FSTL4: variants seen among roughly 807,000 people sequenced by gnomAD.
FSTL4 encodes the protein follistatin-related protein 4.
A neutral mutation model predicts 78.2 loss-of-function variants in FSTL4; 28 were observed. The observed-to-expected ratio is 0.36, with a 90% CI of 0.27 to 0.49. The LOEUF is 0.49. FSTL4 is among the 20% of genes least tolerant of loss of function. The pLI is 0.98. For synonymous variants in FSTL4, 422 were observed against 440.5 expected (o/e 0.96, Z 0.53); for missense variants, 922 against 1,084.9 (o/e 0.85, Z 2.11).
intron 3 of FSTL4, among the ~76,000 whole-genome samples, chr5:133,460,744 A>G (rs1023006674): frequency 1.3e-5 from 2 of 152,194 alleles, no homozygotes; most frequent in African/African-American, 4.8e-5. Context: ...ACTTTGGGCC[A>G]AACACCAAAT....
At chr5:133,554,222 C>T (rs1028884689) in intron 3 of FSTL4, among the ~76,000 whole-genome samples, 3 of 152,158 alleles carry the variant, frequency 2.0e-5, no homozygotes, top group Non-Finnish European at 4.4e-5. Flanking sequence ...AGACTGGCTA[C>T]GCAGCTGACC....
chr5:133,335,312 C>T (rs1236276167), intron 4 of FSTL4, among the ~76,000 whole-genome samples: 1 of 152,188 alleles, frequency 6.6e-6, no homozygotes, highest in Admixed American at 6.5e-5. Context: ...GCCTCGTCTG[C>T]CCTGCTCTCC....
At chr5:133,813,395 C>T in the FSTL4 span, among the ~76,000 whole-genome samples, 6 of 151,978 alleles carry the variant, frequency 3.9e-5, no homozygotes, top group Non-Finnish European at 5.9e-5. Context: ...CTTCAAACAC[C>T]CAAGTGTACT....
At chr5:133,442,060 C>A (rs747538226) in intron 3 of FSTL4, among the ~76,000 whole-genome samples, 20 of 152,220 alleles carry the variant, frequency 1.3e-4, no homozygotes, top group Non-Finnish European at 2.4e-4. Flanking sequence ...TCAATAAATT[C>A]TCAGACATGC....
intron 3 of FSTL4, among the ~76,000 whole-genome samples, chr5:133,437,373 A>G (rs1220152961): frequency 6.6e-6 from 1 of 152,060 alleles, no homozygotes; most frequent in African/African-American, 2.4e-5. Flanking sequence ...AGAAGGTAAT[A>G]TGGAATCAGA....
At position 133,519,701 on chromosome 5, in the gene FSTL4, A is replaced by G. The variant is rs546072644; in HGVS notation, c.160+47485T>C. On this transcript the variant is annotated intron_variant, in intron 3 of 15. Coordinates refer to ENST00000265342, the MANE Select transcript of FSTL4 (RefSeq NM_015082.2). The stretch of plus-strand genomic sequence containing the variant: ...CCTTCCCCAGCAAGATGCCTTTTAT[A>G]GAGAATTTTGTTGTTTAGCAAGAAC... Among the ~76,000 whole-genome samples the G allele has an allele frequency of 1.1e-4, 16 of 152,330 alleles. 1 individual carries two copies. Among genetic ancestry groups the G allele is most frequent in the Admixed American group, 3.9e-4 (6 of 15,300 alleles).
At chr5:133,250,029 TA>T (rs952890056) in intron 6 of FSTL4, among the ~76,000 whole-genome samples, 1 of 152,254 alleles carries the variant, frequency 6.6e-6, no homozygotes, top group African/African-American at 2.4e-5. Context: ...GGGTCAGTTT[TA>T]AAGGTTGCGC....
At chr5:133,657,412 G>A in the FSTL4 span, among the ~76,000 whole-genome samples, 1 of 152,166 alleles carries the variant, frequency 6.6e-6, no homozygotes, top group Non-Finnish European at 1.5e-5. Context: ...TATATGAGGT[G>A]GACAGGGACT....
At position 133,198,977 on chromosome 5, in the gene FSTL4, A is replaced by G; in HGVS notation, c.*118T>C. 1 of 610,170 alleles carries G rather than the reference A, an allele frequency of 1.6e-6. No homozygotes were observed. Among genetic ancestry groups the G allele is most frequent in the Non-Finnish European group, 2.8e-6 (1 of 355,274 alleles). 37.8% of individuals were successfully genotyped at this position (610,170 alleles called of 1,614,324 possible). ...AAACTTGCAAGGAGACCAGTGTTGAACCACAAAGCGAGTACAGGTTTTTGC... is the reference window on the plus strand; with the variant it reads ...AAACTTGCAAGGAGACCAGTGTTGAGCCACAAAGCGAGTACAGGTTTTTGC... On this transcript the variant is annotated 3_prime_UTR_variant, in exon 16 of 16. Coordinates refer to ENST00000265342, the MANE Select transcript of FSTL4 (RefSeq NM_015082.2).
intron 4 of FSTL4, among the ~76,000 whole-genome samples, chr5:133,321,653 G>A (rs1448036432): frequency 6.6e-6 from 1 of 152,228 alleles, no homozygotes; most frequent in African/African-American, 2.4e-5. Flanking sequence ...CGAGAGAATG[G>A]TTCGAGAGAA....
chr5:133,285,769 G>T (rs916360014), intron 6 of FSTL4, among the ~76,000 whole-genome samples: 1 of 152,210 alleles, frequency 6.6e-6, no homozygotes, highest in Admixed American at 6.5e-5. Flanking sequence ...CGCTGCCCCA[G>T]CTGCACCCAG....
intron 2 of FSTL4, among the ~76,000 whole-genome samples, chr5:133,598,615 C>T (rs2112974282): frequency 6.6e-6 from 1 of 152,280 alleles, no homozygotes; most frequent in South Asian, 2.1e-4. Context: ...AAAGCCCTGG[C>T]TAAGTGTTAG....
the FSTL4 span, among the ~76,000 whole-genome samples, chr5:133,672,969 G>A: frequency 2.0e-5 from 3 of 152,332 alleles, no homozygotes; most frequent in African/African-American, 7.2e-5. Flanking sequence ...ATCAATATAT[G>A]TAAGAAGTAC....
chr5:133,473,595 A>G (rs1757869378), intron 3 of FSTL4, among the ~76,000 whole-genome samples: 1 of 152,204 alleles, frequency 6.6e-6, no homozygotes, highest in South Asian at 2.1e-4. Context: ...TGAATAGAGG[A>G]GTCTTCCACA....
chr5:133,235,407 G>A (rs1377683171), intron 7 of FSTL4, among the ~76,000 whole-genome samples: 6 of 150,980 alleles, frequency 4.0e-5, no homozygotes, highest in African/African-American at 1.5e-4. Context: ...GCTGAGGTAG[G>A]AGAATTGCTT....
chr5:133,756,740 G>A, the FSTL4 span, among the ~76,000 whole-genome samples: 1 of 152,154 alleles, frequency 6.6e-6, no homozygotes, highest in Non-Finnish European at 1.5e-5. Flanking sequence ...CATAGCAGGT[G>A]CTATATCCGG....
chr5:133,788,122 G>A, the FSTL4 span, among the ~76,000 whole-genome samples: 1 of 152,138 alleles, frequency 6.6e-6, no homozygotes, highest in African/African-American at 2.4e-5. Flanking sequence ...CATATCCCCA[G>A]CGCCCAGCCC....
chr5:133,794,850 A>G, the FSTL4 span, among the ~76,000 whole-genome samples: 1 of 152,048 alleles, frequency 6.6e-6, no homozygotes, highest in Non-Finnish European at 1.5e-5. Context: ...CGGGGGGAAG[A>G]TCCATCACCA....
chr5:133,340,900 C>T (rs1032751980), intron 4 of FSTL4, among the ~76,000 whole-genome samples: 20 of 152,128 alleles, frequency 1.3e-4, no homozygotes, highest in Non-Finnish European at 2.5e-4. Context: ...AGGCTGCCCC[C>T]GAGACAGCTA....
Sources: allele counts gnomAD v4.1 joint callset (sites outside exome capture counted in the v4.1 genomes callset), GRCh38; gene constraint gnomAD v4.1.1; transcripts MANE v1.5; gene names NCBI Gene and HGNC (gene_info 2026-07-23, HGNC 2026-07-21).